Variants in SLC18B1 observed in about 807,000 individuals in gnomAD.
The protein encoded by SLC18B1 is solute carrier family 18 member B1.
A neutral mutation model predicts 53.9 loss-of-function variants in SLC18B1; 62 were observed. The ratio of observed to expected loss-of-function variants is 1.15; its 90% CI spans 0.94 to 1.42. The LOEUF is 1.42. Among genes scored for constraint, SLC18B1 ranks in the 40% most tolerant of loss-of-function variants. The pLI is 0.00. For missense variants in SLC18B1, 598 were observed against 547.3 expected, an observed-to-expected ratio of 1.09 and a Z score of -0.93; for synonymous variants, 217 against 200.9, an observed-to-expected ratio of 1.08 and a Z score of -0.68.
intron 5 of SLC18B1, 98 bp from the exon 6 acceptor site, chr6:132,784,187 C>G: frequency 1.0e-6 from 1 of 953,282 alleles, no homozygotes. Context: ...TCATAATTTA[C>G]ATACACACAC....
chr6:132,788,012 T>A (rs1781425058), intron 4 of SLC18B1, among the ~76,000 whole-genome samples: 1 of 151,624 alleles, frequency 6.6e-6, no homozygotes, highest in Non-Finnish European at 1.5e-5. Context: ...ATACAAAAAA[T>A]TAGCCAGGTG....
chr6:132,786,117 A>G (rs1045274184), intron 5 of SLC18B1, among the ~76,000 whole-genome samples: 5 of 152,130 alleles, frequency 3.3e-5, no homozygotes, highest in Admixed American at 2.6e-4. Context: ...CTTAATGAGC[A>G]TATCAACAGA....
At chr6:132,771,005 G>C (rs1476099541) in intron 12 of SLC18B1, 31 bp downstream of exon 12, 1 of 1,610,656 alleles carries the variant, frequency 6.2e-7, no homozygotes. Flanking sequence ...ACAAATATAA[G>C]GAAAATGCAA....
Position 132,774,258 on chromosome 6 carries a change from A to G in SLC18B1, c.953T>C (p.Met318Thr). 1 of 1,613,738 alleles carries G rather than the reference A, an allele frequency of 6.2e-7. No individual in the cohort carries two copies. ...CAAGATTGGGACAGGCCCTAAGAGC[A>G]TGTAGCACCCGGCTGTGATTAAGTT... ...FGNLITAGCY[M>T]LLGPVPILHI... Residue 318 changes from methionine to threonine, a missense_variant, in exon 9 of 14, where the codon ATG becomes ACG. Transcript: ENST00000275227.
chr6:132,798,424 G>T lies in SLC18B1; in HGVS notation c.33C>A (p.Arg11=), dbSNP rs1264270491. 2.6e-6 allele frequency: 4 copies of T among 1,532,914 alleles called. No homozygotes were observed. Among genetic ancestry groups the T allele is most frequent in the South Asian group, 2.4e-5 (2 of 82,564 alleles). 95.0% of individuals were successfully genotyped at this position (1,532,914 alleles called of 1,614,324 possible). The stretch of plus-strand genomic sequence containing the variant: ...GCAATTCATGGTCACCTCCTGGTGC[G>T]CGTGGTCCCTCCAGGTCACCCAGCG... The part of the protein sequence containing the change: MEALGDLEGP[R]APGGDDPAGS... The change falls in exon 1 of 14, where the codon CGC becomes CGA. Residue 11 remains arginine, a synonymous_variant. Transcript: ENST00000275227.
chr6:132,781,563 C>T (rs1218617224), intron 6 of SLC18B1, among the ~76,000 whole-genome samples: 2 of 151,728 alleles, frequency 1.3e-5, no homozygotes, highest in Middle Eastern at 3.2e-3. Context: ...TCGAGACCAG[C>T]CTGGCCAACA....
At chr6:132,785,897 CAAAAAAA>C (rs71545048) in intron 5 of SLC18B1, among the ~76,000 whole-genome samples, 11 of 81,180 alleles carry the variant, frequency 1.4e-4, no homozygotes, top group Non-Finnish European at 2.5e-5. Context: ...CCTGTCTCTA[CAAAAAAA>C]AAAAAAAAAA....
Position 132,783,932 on chromosome 6 carries a change from C to A in SLC18B1, c.658+1G>T. 6.3e-7 allele frequency: 1 copy of A among 1,583,858 alleles called. No homozygotes were observed. The highest frequency in any genetic ancestry group is 8.6e-7 in the Non-Finnish European group (1 of 1,168,028). On this transcript the variant is annotated splice_donor_variant, in intron 6 of 13. Coordinates refer to ENST00000275227, the MANE Select transcript of SLC18B1 (RefSeq NM_052831.3). LOFTEE classifies it high-confidence loss of function. ...AAAATGAGTAATAAGTGTGGACTTA[C>A]CGTAATTGGGTAAAATATACATATT...
chr6:132,780,082 A>G (rs1781194226), intron 6 of SLC18B1, among the ~76,000 whole-genome samples: 1 of 148,828 alleles, frequency 6.7e-6, no homozygotes, highest in Admixed American at 7.0e-5. Context: ...ATCATATCAG[A>G]CATGAAAGCT....
chr6:132,791,477 T>A (rs1021947943), intron 2 of SLC18B1, among the ~76,000 whole-genome samples: 1 of 147,544 alleles, frequency 6.8e-6, no homozygotes, highest in Non-Finnish European at 1.5e-5. Flanking sequence ...TTTTCAAGGA[T>A]TTTTTTTTTG....
At chr6:132,777,577 G>C (rs1781130549) in intron 7 of SLC18B1, among the ~76,000 whole-genome samples, 1 of 152,132 alleles carries the variant, frequency 6.6e-6, no homozygotes, top group African/African-American at 2.4e-5. Flanking sequence ...AGCCTGGCCT[G>C]GTGGCACACA....
intron 4 of SLC18B1, among the ~76,000 whole-genome samples, chr6:132,788,783 A>G (rs1016740078): frequency 6.7e-6 from 1 of 149,972 alleles, no homozygotes; most frequent in South Asian, 2.1e-4. Context: ...AGATCACACC[A>G]CTGCACACCA....
At chr6:132,786,424 CTGTAG>C (rs1284825498) in intron 5 of SLC18B1, among the ~76,000 whole-genome samples, 1 of 152,000 alleles carries the variant, frequency 6.6e-6, no homozygotes, top group African/African-American at 2.4e-5. Flanking sequence ...TGGCGGGCGC[CTGTAG>C]TCCCAGCTAC....
rs59113038 is a variant in SLC18B1 at position 132,778,115 on chromosome 6, TG to T, written c.795+1152del. Reference sequence around the variant, plus strand: ...GGGGCGAGGGACACAAGGTGCAGGGTGGGGAATATCATAAGACTCATTGTCC... The same window carrying T: ...GGGGCGAGGGACACAAGGTGCAGGGTGGGAATATCATAAGACTCATTGTCC... On this transcript the variant is annotated intron_variant, in intron 7 of 13. Transcript: ENST00000275227. Among the ~76,000 whole-genome samples the T allele has an allele frequency of 5.5e-3, 838 of 151,974 alleles. 4 individuals are homozygous for T. Among genetic ancestry groups the T allele is most frequent in the African/African-American group, 0.019 (807 of 41,420 alleles).
chr6:132,771,957 T>C (rs1369016470), intron 11 of SLC18B1, among the ~76,000 whole-genome samples, 175 bp downstream of exon 11: 1 of 152,080 alleles, frequency 6.6e-6, no homozygotes, highest in Non-Finnish European at 1.5e-5. Context: ...CCAGATGTGG[T>C]GGTGGGCACC....
intron 2 of SLC18B1, among the ~76,000 whole-genome samples, chr6:132,792,296 G>GAAGGAAGGAAGA (rs1781560751): frequency 3.4e-5 from 1 of 29,598 alleles, no homozygotes; most frequent in Non-Finnish European, 6.1e-5. Context: ...AGAAAGGAAG[G>GAAGGAAGGAAGA]AAGGAAGGAA....
chr6:132,787,659 A>G (rs936532609), intron 4 of SLC18B1, 78 bp from the exon 5 acceptor site: 1 of 1,282,712 alleles, frequency 7.8e-7, no homozygotes. Context: ...GTACTCACTA[A>G]AAAGAATAGT....
At chr6:132,796,947 A>G (rs1215040621) in intron 2 of SLC18B1, 35 bp downstream of exon 2, 4 of 1,561,328 alleles carry the variant, frequency 2.6e-6, no homozygotes, top group Non-Finnish European at 3.4e-6. Context: ...AACAAACAAA[A>G]AAACAGAGGT....
chr6:132,776,467 G>C, intron 7 of SLC18B1, 38 bp from the exon 8 acceptor site: 1 of 1,500,098 alleles, frequency 6.7e-7, no homozygotes, highest in South Asian at 1.2e-5. Context: ...ACATAATTAA[G>C]TCATTTTTAA....
Sources: allele counts gnomAD v4.1 joint callset (sites outside exome capture counted in the v4.1 genomes callset), GRCh38; gene constraint gnomAD v4.1.1; transcripts MANE v1.5; gene names NCBI Gene and HGNC (gene_info 2026-07-23, HGNC 2026-07-21).